The following CFAP95 variants were observed in gnomAD, a reference collection of about 807,000 sequenced individuals.
The protein encoded by CFAP95 is cilia and flagella associated protein 95, also known as cilia- and flagella-associated protein 95.
the CFAP95 span, among the ~76,000 whole-genome samples, chr9:69,843,555 CTCCT>C: frequency 2.3e-4 from 6 of 26,030 alleles, 1 homozygote; most frequent in Non-Finnish European, 4.7e-4. Context: ...CCTCCTCCTC[CTCCT>C]TCTTCTTCTT....
the CFAP95 span, among the ~76,000 whole-genome samples, chr9:69,898,040 C>T: frequency 6.6e-6 from 1 of 152,140 alleles, no homozygotes; most frequent in African/African-American, 2.4e-5. Context: ...CTATTTTGCC[C>T]TCAGTATTCC....
chr9:69,903,921 A>G, the CFAP95 span, among the ~76,000 whole-genome samples: 3 of 152,024 alleles, frequency 2.0e-5, no homozygotes, highest in Non-Finnish European at 4.4e-5. Flanking sequence ...ACGTGGTCTC[A>G]CTGTGTTGCC....
chr9:69,832,551 T>G, the CFAP95 span, among the ~76,000 whole-genome samples: 1 of 150,464 alleles, frequency 6.6e-6, no homozygotes, highest in Admixed American at 6.7e-5. Flanking sequence ...CTACTAGTAC[T>G]GTTTTGGGGA....
the CFAP95 span, among the ~76,000 whole-genome samples, chr9:69,903,109 A>G: frequency 6.6e-6 from 1 of 152,106 alleles, no homozygotes; most frequent in Admixed American, 6.5e-5. Context: ...TAGTAATGCT[A>G]TTGTGTTTCT....
chr9:69,882,983 C>A, the CFAP95 span, among the ~76,000 whole-genome samples: 1 of 152,054 alleles, frequency 6.6e-6, no homozygotes, highest in Admixed American at 6.6e-5. Context: ...TGGAAGTATA[C>A]CTTCTGCCTC....
the CFAP95 span, among the ~76,000 whole-genome samples, chr9:69,880,691 G>C: frequency 6.6e-6 from 1 of 152,180 alleles, no homozygotes; most frequent in African/African-American, 2.4e-5. Flanking sequence ...TGGGATTGCT[G>C]CATCATATGA....
At chr9:69,821,405 G>C in the CFAP95 span, among the ~76,000 whole-genome samples, 1 of 152,026 alleles carries the variant, frequency 6.6e-6, no homozygotes, top group East Asian at 1.9e-4. Context: ...CCAAATCCCC[G>C]CCACCTGAGG....
At chr9:69,842,932 C>A in the CFAP95 span, among the ~76,000 whole-genome samples, 1 of 152,096 alleles carries the variant, frequency 6.6e-6, no homozygotes, top group African/African-American at 2.4e-5. Context: ...GGTGGGGAGG[C>A]AGGAGTGTTA....
At chr9:69,897,022 G>C in the CFAP95 span, among the ~76,000 whole-genome samples, 1 of 152,182 alleles carries the variant, frequency 6.6e-6, no homozygotes, top group African/African-American at 2.4e-5. Context: ...TGACTGTGGG[G>C]TAATTCTTCT....
the CFAP95 span, among the ~76,000 whole-genome samples, chr9:69,872,083 T>TCA: frequency 3.3e-5 from 5 of 151,968 alleles, no homozygotes; most frequent in South Asian, 4.2e-4. Flanking sequence ...TTTCCAAAAG[T>TCA]TTTTCATCCA....
the CFAP95 span, among the ~76,000 whole-genome samples, chr9:69,840,360 CTTAG>C: frequency 1.3e-5 from 2 of 152,206 alleles, no homozygotes; most frequent in African/African-American, 4.8e-5. Flanking sequence ...GGCTATAAGG[CTTAG>C]TTAGTTTTGA....
chr9:69,886,854 T>C, the CFAP95 span: 1 of 1,613,270 alleles, frequency 6.2e-7, no homozygotes, highest in Admixed American at 1.7e-5. Flanking sequence ...ATTGACAACG[T>C]ACTCAGAAGA....
the CFAP95 span, among the ~76,000 whole-genome samples, chr9:69,834,823 A>G: frequency 6.6e-6 from 1 of 152,238 alleles, no homozygotes; most frequent in Non-Finnish European, 1.5e-5. Context: ...CATGAGACAC[A>G]TAGAAAAACA....
chr9:69,844,379 T>C, the CFAP95 span: 1 of 522,342 alleles, frequency 1.9e-6, no homozygotes, highest in Admixed American at 3.8e-5. Flanking sequence ...GGAAAATACT[T>C]TATATGTCAC....
the CFAP95 span, chr9:69,858,290 G>T: frequency 1.2e-4 from 41 of 332,076 alleles, no homozygotes; most frequent in Admixed American, 1.3e-3. Context: ...GACATATGCA[G>T]AATGGTAAAA....
At chr9:69,851,875 A>G in the CFAP95 span, among the ~76,000 whole-genome samples, 1 of 109,982 alleles carries the variant, frequency 9.1e-6, no homozygotes, top group Non-Finnish European at 1.9e-5. Flanking sequence ...CTAAAAATAG[A>G]GAAAAAAAAA....
the CFAP95 span, chr9:69,905,897 T>C: frequency 4.8e-6 from 6 of 1,256,104 alleles, no homozygotes; most frequent in East Asian, 1.6e-4. Flanking sequence ...CTTTTGAAGA[T>C]TACTTCTTTT....
At chr9:69,860,632 CT>C in the CFAP95 span, among the ~76,000 whole-genome samples, 1,328 of 148,104 alleles carry the variant, frequency 9.0e-3, 22 homozygotes, top group African/African-American at 0.031. Context: ...CTTTTGGACC[CT>C]TTTAGCAACA....
At chr9:69,879,371 A>G in the CFAP95 span, among the ~76,000 whole-genome samples, 1 of 152,002 alleles carries the variant, frequency 6.6e-6, no homozygotes, top group Non-Finnish European at 1.5e-5. Flanking sequence ...GCTTTATTGG[A>G]GATATTGGTT....
Sources: allele counts gnomAD v4.1 joint callset (sites outside exome capture counted in the v4.1 genomes callset), GRCh38; gene constraint gnomAD v4.1.1; transcripts MANE v1.5; gene names NCBI Gene and HGNC (gene_info 2026-07-23, HGNC 2026-07-21).